Variants in EPHB3 observed in about 807,000 individuals in gnomAD.
The protein encoded by EPHB3 is EPH receptor B3.
EPHB3 carries 33 observed loss-of-function variants against 100.2 expected under a neutral mutation model. That is an observed-to-expected ratio of 0.33 (90% confidence interval 0.25 to 0.44). The LOEUF is 0.44. Ranked by LOEUF, EPHB3 falls within the 20% of genes least tolerant of loss-of-function variation. EPHB3 has a pLI of 1.00. For synonymous variants in EPHB3, 526 were observed against 554.7 expected, an observed-to-expected ratio of 0.95 and a Z score of 0.73; for missense variants, 1,045 against 1,378.3, an observed-to-expected ratio of 0.76 and a Z score of 3.83.
intron 12 of EPHB3, 28 bp downstream of exon 12, chr3:184,580,645 G>A (rs1391566040): frequency 3.1e-6 from 5 of 1,610,586 alleles, no homozygotes; most frequent in Non-Finnish European, 4.2e-6. Flanking sequence ...GAGGGAGACT[G>A]GGGGCGGGGC....
rs760662983 is a variant in EPHB3 at position 184,577,505 on chromosome 3, A to G, written c.1479+38A>G. On this transcript the variant is annotated intron_variant, in intron 6 of 15. Coordinates refer to ENST00000330394, the MANE Select transcript of EPHB3 (RefSeq NM_004443.4). This position sits in a 1 kb window ranked among gnomAD's most constrained non-coding sequence, Gnocchi z 4.9. The stretch of plus-strand genomic sequence containing the variant: ...AGGGGCAGGAGGAGGCCTTGGGCTG[A>G]GCTGGGCTGAGAAAATTACCCCCGG... The G allele has an allele frequency of 6.8e-6, 11 of 1,611,162 alleles. No individual in the cohort carries two copies. In the South Asian group the frequency reaches 1.2e-4, roughly 18 times the overall value.
rs1714474169 is a variant in EPHB3 at position 184,569,147 on chromosome 3, G to A, written c.119-2171G>A. Among the ~76,000 whole-genome samples the A allele has an allele frequency of 6.6e-6, 1 of 152,186 alleles. No homozygotes were observed. The highest frequency in any genetic ancestry group is 2.4e-5 in the African/African-American group (1 of 41,460). On this transcript the variant is annotated intron_variant, in intron 1 of 15. Coordinates refer to ENST00000330394, the MANE Select transcript of EPHB3 (RefSeq NM_004443.4). This position sits in a 1 kb window ranked among gnomAD's most constrained non-coding sequence, Gnocchi z 5.4. ...GAAGTGAGGGAGAGGGAGGAGGGAG[G>A]CGGCGCGAGGGAGCGGCTGGAGCCC... is the stretch of plus-strand genomic sequence containing the variant.
At chr3:184,567,038 G>A (rs911342040) in intron 1 of EPHB3, among the ~76,000 whole-genome samples, 1 of 152,100 alleles carries the variant, frequency 6.6e-6, no homozygotes, top group Non-Finnish European at 1.5e-5. Flanking sequence ...ACCTGCAAGC[G>A]GAAGAGCCTT....
Position 184,579,348 on chromosome 3 carries a change from T to G in EPHB3, c.1802-129T>G. 7.2e-7 allele frequency: 1 copy of G among 1,396,550 alleles called. No homozygotes were observed. The highest frequency in any genetic ancestry group is 1.5e-5 in the South Asian group (1 of 67,674). 86.5% of individuals were successfully genotyped at this position (1,396,550 alleles called of 1,614,324 possible). On this transcript the variant is annotated intron_variant, in intron 9 of 15. Transcript: ENST00000330394. The surrounding 1 kb of genome is among the most constrained non-coding windows in gnomAD (Gnocchi z 5.2). ...GGTCACCAGGAGTTCTCATGGGAGC[T>G]GGAGGATTAGGGCAGCAACACAGAG...
rs971902193 is a variant in EPHB3, at chr3:184,581,549, A to G, written c.2924A>G (p.His975Arg). 2 of 1,613,824 alleles carry G rather than the reference A, an allele frequency of 1.2e-6. No homozygotes were observed. Among genetic ancestry groups the G allele is most frequent in the African/African-American group, 2.7e-5 (2 of 74,930 alleles). The change falls in exon 16 of 16, where the codon CAC (histidine) becomes CGC (arginine). Residue 975 changes from histidine to arginine, a missense_variant. His to Arg is a conservative substitution (Grantham distance 29). Coordinates refer to ENST00000330394, the MANE Select transcript of EPHB3 (RefSeq NM_004443.4). Reference sequence around the variant, plus strand: ...CGTATTGGGGTCACCCTGGCCGGCCACCAGAAGAAGATCCTGAGCAGTATC... The same window carrying G: ...CGTATTGGGGTCACCCTGGCCGGCCGCCAGAAGAAGATCCTGAGCAGTATC... Reference protein sequence around the residue: ...LLRIGVTLAGHQKKILSSIQD... With the variant: ...LLRIGVTLAGRQKKILSSIQD...
Position 184,580,838 on chromosome 3 carries a change from G to C in EPHB3, c.2498G>C (p.Ser833Thr), listed in dbSNP as rs1714800534. The change falls in exon 13 of 16, where the codon AGC (serine) becomes ACC (threonine). Residue 833 changes from serine (S) to threonine (T), a missense_variant. Around this residue, in one of 2 missense-constraint regions of EPHB3, gnomAD observed 985 missense variants for 1,331.1 expected, o/e 0.74. Coordinates refer to ENST00000330394, the MANE Select transcript of EPHB3 (RefSeq NM_004443.4). ...GGAATTGTCATGTGGGAGGTCATGA[G>C]CTATGGAGAGCGACCCTACTGGGAC... ...SYGIVMWEVM[S>T]YGERPYWDMS... 6.2e-7 allele frequency: 1 copy of C among 1,614,088 alleles called. No homozygotes were observed. The highest frequency in any genetic ancestry group is 1.3e-5 in the African/African-American group (1 of 74,932).
chr3:184,563,548 T>C lies in EPHB3; in HGVS notation c.118+1195T>C, dbSNP rs983121876. Reference sequence around the variant, plus strand: ...AAAGGCATCCTCTGGTGCGTTCTAATGTTCTCCAGAGGAAAGACCTCCTAT... The same window carrying C: ...AAAGGCATCCTCTGGTGCGTTCTAACGTTCTCCAGAGGAAAGACCTCCTAT... On this transcript the variant is annotated intron_variant, in intron 1 of 15. Coordinates refer to ENST00000330394, the MANE Select transcript of EPHB3 (RefSeq NM_004443.4). This position sits in a 1 kb window ranked among gnomAD's most constrained non-coding sequence, Gnocchi z 4.1. Among the ~76,000 whole-genome samples the C allele has an allele frequency of 2.6e-5, 4 of 152,216 alleles. No homozygotes were observed. Among genetic ancestry groups the C allele is most frequent in the Non-Finnish European group, 5.9e-5 (4 of 68,034 alleles).
chr3:184,577,891 TCTCCAGGCTCTGGGGCCCAGCAG>T lies in EPHB3; in HGVS notation c.1641_1663del (p.Ser548AlafsTer35). 1.2e-6 allele frequency: 2 copies of T among 1,613,166 alleles called. No individual in the cohort carries two copies. The highest frequency in any genetic ancestry group is 1.7e-6 in the Non-Finnish European group (2 of 1,179,524). On this transcript the variant is annotated splice_acceptor_variant and splice_polypyrimidine_tract_variant and coding_sequence_variant and intron_variant, in exon 8 of 16. Coordinates refer to ENST00000330394, the MANE Select transcript of EPHB3 (RefSeq NM_004443.4). LOFTEE classifies it high-confidence loss of function. This position sits in a 1 kb window ranked among gnomAD's most constrained non-coding sequence, Gnocchi z 4.9. ...CCTCCACTCAGCAGCCCCTTCTCTATCTCCAGGCTCTGGGGCCCAGCAGCTCCAGGAGCAGCTTCCCCTCATCG... is the reference window on the plus strand; with the variant it reads ...CCTCCACTCAGCAGCCCCTTCTCTATCTCCAGGAGCAGCTTCCCCTCATCG...
In EPHB3 at chr3:184,577,838, G is replaced by C; in HGVS notation, c.1639+21G>C. 3 of 1,605,498 alleles carry C rather than the reference G, an allele frequency of 1.9e-6. No homozygotes were observed. Among genetic ancestry groups the C allele is most frequent in the Non-Finnish European group, 2.6e-6 (3 of 1,174,248 alleles). ...GAGAGGTTAGTAGCCCCCTGCGCCT[G>C]TCCCCATCGCGGCCCTCACTCTCTG... On this transcript the variant is annotated intron_variant, in intron 7 of 15. Transcript: ENST00000330394. The surrounding 1 kb of genome is among the most constrained non-coding windows in gnomAD (Gnocchi z 4.9).
chr3:184,575,830 C>T lies in EPHB3; in HGVS notation c.857C>T (p.Pro286Leu). ...EPAAKESQCR[P>L]CPPGSYKAKQ... ...CCATTCATCCTCTTCTCTCCCACAG[C>T]CTGTCCCCCTGGGAGCTACAAGGCG... Residue 286 changes from proline to leucine, a missense_variant and splice_region_variant, in exon 4 of 16, where the codon CCC (proline) becomes CTC (leucine). By Grantham distance (98) the Pro-to-Leu change is moderately conservative. This residue lies in a region of EPHB3 where 985 missense variants were observed against 1,331.1 expected (regional missense o/e 0.74). Coordinates refer to ENST00000330394, the MANE Select transcript of EPHB3 (RefSeq NM_004443.4). The T allele has an allele frequency of 2.5e-6, 4 of 1,598,630 alleles. No homozygotes were observed. Among genetic ancestry groups the T allele is most frequent in the Non-Finnish European group, 3.4e-6 (4 of 1,172,486 alleles).
chr3:184,578,965 T>G lies in EPHB3; in HGVS notation c.1801+499T>G, dbSNP rs74750207. The stretch of plus-strand genomic sequence containing the variant: ...TGTGGGGGCAGCGAGAAGACTGGTT[T>G]GACAGCTGCTGGGAAGCCAGGCTGG... On this transcript the variant is annotated intron_variant, in intron 9 of 15. Coordinates refer to ENST00000330394, the MANE Select transcript of EPHB3 (RefSeq NM_004443.4). This position sits in a 1 kb window ranked among gnomAD's most constrained non-coding sequence, Gnocchi z 4.7. Among the ~76,000 whole-genome samples, 1,522 of 152,134 alleles carry G rather than the reference T, an allele frequency of 0.01. 27 individuals carry two copies. Among genetic ancestry groups the G allele is most frequent in the African/African-American group, 0.034 (1,428 of 41,498 alleles).
rs1714561219 is a variant in EPHB3, at chr3:184,572,330, C to T, written c.184-174C>T. 6.6e-6 allele frequency among the ~76,000 whole-genome samples: 1 copy of T among 152,190 alleles called. No individual in the cohort carries two copies. The highest frequency in any genetic ancestry group is 1.5e-5 in the Non-Finnish European group (1 of 68,038). On this transcript the variant is annotated intron_variant, in intron 2 of 15. Transcript: ENST00000330394. The surrounding 1 kb of genome is among the most constrained non-coding windows in gnomAD (Gnocchi z 6.6). Reference sequence around the variant, plus strand: ...AGGCACATGGCGGTTAAGTGACTTACCCATAATCACACAGCAGGCAGAGAG... The same window carrying T: ...AGGCACATGGCGGTTAAGTGACTTATCCATAATCACACAGCAGGCAGAGAG...
chr3:184,575,238 A>G, intron 3 of EPHB3: 1 of 985,268 alleles, frequency 1.0e-6, no homozygotes, highest in Non-Finnish European at 1.2e-6. Flanking sequence ...TCTGAACTCC[A>G]GGTGACCCCA....
Position 184,562,315 on chromosome 3 carries a change from C to CGCT in EPHB3, c.92_94dup (p.Leu31dup), listed in dbSNP as rs759318725. 35 of 1,249,972 alleles carry CGCT rather than the reference C, an allele frequency of 2.8e-5. No individual in the cohort carries two copies. The South Asian group carries it at 7.3e-4, about 26-fold the overall frequency. 77.4% of individuals were successfully genotyped at this position (1,249,972 alleles called of 1,614,324 possible). ...CTGCTCCCTCCGCTGCTGCTGCTGC[C>CGCT]GCTGCTGCTGCTGCCCGCCGGCTGC... On this transcript the variant is annotated inframe_insertion, in exon 1 of 16. Coordinates refer to ENST00000330394, the MANE Select transcript of EPHB3 (RefSeq NM_004443.4). The surrounding 1 kb of genome is among the most constrained non-coding windows in gnomAD (Gnocchi z 4.8).
At chr3:184,574,665 C>T (rs778122887) in intron 3 of EPHB3, among the ~76,000 whole-genome samples, 11 of 152,174 alleles carry the variant, frequency 7.2e-5, no homozygotes, top group Non-Finnish European at 1.6e-4. Context: ...GTGAACAGTG[C>T]CTTTCCCGGG....
chr3:184,572,894 G>T lies in EPHB3; in HGVS notation c.574G>T (p.Ala192Ser). 6.4e-7 allele frequency: 1 copy of T among 1,561,496 alleles called. No individual in the cohort carries two copies. Among genetic ancestry groups the T allele is most frequent in the Non-Finnish European group, 8.7e-7 (1 of 1,153,904 alleles). Reference sequence around the variant, plus strand: ...ACTTTCCAAGGCTGGCTTCTACCTGGCCTTCCAGGACCAGGGCGCCTGCAT... The same window carrying T: ...ACTTTCCAAGGCTGGCTTCTACCTGTCCTTCCAGGACCAGGGCGCCTGCAT... ...GPLSKAGFYL[A>S]FQDQGACMSL... is the part of the protein sequence containing the mutation. Residue 192 changes from alanine to serine, a missense_variant, in exon 3 of 16, where the codon GCC (alanine) becomes TCC (serine). Ala to Ser is a moderately conservative substitution (Grantham distance 99, BLOSUM62 1). Coordinates refer to ENST00000330394, the MANE Select transcript of EPHB3 (RefSeq NM_004443.4). This position sits in a 1 kb window ranked among gnomAD's most constrained non-coding sequence, Gnocchi z 6.6.
Position 184,581,581 on chromosome 3 carries a change from A to T in EPHB3, c.2956A>T (p.Met986Leu), listed in dbSNP as rs770984953. The T allele has an allele frequency of 1.1e-5, 17 of 1,613,660 alleles. No individual in the cohort carries two copies. Among genetic ancestry groups the T allele is most frequent in the Admixed American group, 1.0e-4 (6 of 59,988 alleles). The change falls in exon 16 of 16, where the codon ATG (methionine) becomes TTG (leucine). Residue 986 changes from methionine to leucine, a missense_variant. This residue lies in a region of EPHB3 where 985 missense variants were observed against 1,331.1 expected (regional missense o/e 0.74). Coordinates refer to ENST00000330394, the MANE Select transcript of EPHB3 (RefSeq NM_004443.4). ...QKKILSSIQD[M>L]RLQMNQTLPV... ...GAAGATCCTGAGCAGTATCCAGGAC[A>T]TGCGGCTGCAGATGAACCAGACGCT...
chr3:184,574,644 G>T (rs1714628807), intron 3 of EPHB3, among the ~76,000 whole-genome samples: 1 of 152,214 alleles, frequency 6.6e-6, no homozygotes, highest in East Asian at 1.9e-4. Flanking sequence ...AGGCCATGTT[G>T]TCATGAGAAG....
At chr3:184,568,566 A>C in intron 1 of EPHB3, among the ~76,000 whole-genome samples, 1 of 151,946 alleles carries the variant, frequency 6.6e-6, no homozygotes, top group African/African-American at 2.4e-5. Context: ...TCTTTCTCCC[A>C]ATACCACGGA....
Sources: gnomAD v4.1 joint callset for allele counts (sites outside exome capture counted in the v4.1 genomes callset) on GRCh38, gnomAD v4.1.1 for gene constraint, gnomAD v4.1.1 regional missense constraint, Gnocchi (gnomAD v3.1) non-coding constraint, MANE v1.5 for transcripts, NCBI Gene and HGNC (gene_info 2026-07-23, HGNC 2026-07-21) for gene names.